Variants in DACH2 observed in about 807,000 individuals in gnomAD.
The protein encoded by DACH2 is dachshund family transcription factor 2.
Under a neutral mutation model 35.8 loss-of-function variants are expected in DACH2, and 17 were observed. The ratio of observed to expected loss-of-function variants is 0.48; its 90% CI spans 0.33 to 0.71. The LOEUF is 0.71. DACH2 is among the 30% of genes least tolerant of loss of function. DACH2 has a pLI of 0.02. For missense variants in DACH2, 469 were observed against 472.7 expected, an observed-to-expected ratio of 0.99 and a Z score of 0.07; for synonymous variants, 195 against 177.3, an observed-to-expected ratio of 1.10 and a Z score of -0.79.
chrX:86,277,609 A>T (rs2033942267), intron 1 of DACH2, among the ~76,000 whole-genome samples: 1 of 112,472 alleles, frequency 8.9e-6, no homozygotes, highest in Non-Finnish European at 1.9e-5. Flanking sequence ...AACTCGCAAC[A>T]TCAACAACGC....
chrX:86,706,368 A>G (rs2148453984), intron 5 of DACH2, among the ~76,000 whole-genome samples: 1 of 111,782 alleles, frequency 8.9e-6, no homozygotes, highest in African/African-American at 3.2e-5. Context: ...TTGAGAATTG[A>G]GAATACTCTG....
intron 4 of DACH2, among the ~76,000 whole-genome samples, chrX:86,693,918 G>A (rs931376175): frequency 9.0e-6 from 1 of 111,479 alleles, no homozygotes; most frequent in Non-Finnish European, 1.9e-5. Context: ...AACAAAGTGT[G>A]GGAGGGAACT....
chrX:86,580,087 G>GT (rs2039483299), intron 3 of DACH2, among the ~76,000 whole-genome samples: 1 of 111,726 alleles, frequency 9.0e-6, no homozygotes. Flanking sequence ...GCTCATGAGA[G>GT]TTTGAGCATG....
At chrX:86,802,447 G>A (rs2147338297) in intron 7 of DACH2, among the ~76,000 whole-genome samples, 1 of 106,053 alleles carries the variant, frequency 9.4e-6, no homozygotes, top group South Asian at 4.3e-4. Context: ...TTTAAATTTG[G>A]CACCTGAATT....
At chrX:86,204,375 T>C (rs2032232036) in intron 1 of DACH2, among the ~76,000 whole-genome samples, 1 of 112,281 alleles carries the variant, frequency 8.9e-6, no homozygotes, top group East Asian at 2.8e-4. Flanking sequence ...CTCAAAAGGC[T>C]AAGATATCAG....
chrX:86,600,448 T>G (rs1374510402), intron 3 of DACH2, among the ~76,000 whole-genome samples: 1 of 112,085 alleles, frequency 8.9e-6, no homozygotes, highest in Non-Finnish European at 1.9e-5. Flanking sequence ...CTGATAGTTT[T>G]TCTTTCTCAG....
chrX:86,389,540 T>C (rs2036169400), intron 2 of DACH2, among the ~76,000 whole-genome samples: 1 of 112,284 alleles, frequency 8.9e-6, no homozygotes, highest in South Asian at 3.6e-4. Flanking sequence ...TGCTTTAATC[T>C]GTAAACTGAA....
intron 1 of DACH2, among the ~76,000 whole-genome samples, chrX:86,316,723 G>C (rs760522583): frequency 3.2e-4 from 36 of 111,040 alleles, no homozygotes; most frequent in Non-Finnish European, 6.6e-4. Context: ...AGTGTCTCTG[G>C]TAGACGTAAA....
intron 1 of DACH2, among the ~76,000 whole-genome samples, chrX:86,331,448 T>A (rs2035211409): frequency 9.1e-6 from 1 of 110,331 alleles, no homozygotes; most frequent in Admixed American, 9.8e-5. Context: ...AATTAGAATG[T>A]AAATCCTGGA....
intron 3 of DACH2, among the ~76,000 whole-genome samples, chrX:86,517,179 A>G (rs2038481369): frequency 9.0e-6 from 1 of 111,664 alleles, no homozygotes; most frequent in African/African-American, 3.3e-5. Flanking sequence ...CCAACAATGT[A>G]TAAGTGTTCC....
At chrX:86,300,041 C>T (rs766450885) in intron 1 of DACH2, among the ~76,000 whole-genome samples, 20 of 111,207 alleles carry the variant, frequency 1.8e-4, no homozygotes, top group Non-Finnish European at 3.8e-4. Flanking sequence ...GTGTTGGGAA[C>T]ATTTCAAGTC....
chrX:86,484,242 AC>A, intron 2 of DACH2, among the ~76,000 whole-genome samples: 1 of 111,789 alleles, frequency 8.9e-6, no homozygotes, highest in Admixed American at 9.5e-5. Flanking sequence ...TCTCTGCTAA[AC>A]TGATTTAGCT....
At chrX:86,483,781 G>A (rs12558445) in intron 2 of DACH2, among the ~76,000 whole-genome samples, 48,142 of 109,554 alleles carry the variant, frequency 0.44, 8,271 homozygotes, top group Admixed American at 0.6. Flanking sequence ...TCAGTGAGCC[G>A]TAATCATGTC....
chrX:86,701,089 T>G (rs1385051858), intron 5 of DACH2, among the ~76,000 whole-genome samples: 3 of 111,058 alleles, frequency 2.7e-5, no homozygotes, highest in African/African-American at 9.8e-5. Flanking sequence ...ATATCCTTGA[T>G]GAACACAGTT....
intron 4 of DACH2, among the ~76,000 whole-genome samples, chrX:86,678,462 A>ATCAC (rs1163764297): frequency 8.9e-6 from 1 of 112,452 alleles, no homozygotes; most frequent in Non-Finnish European, 1.9e-5. Flanking sequence ...ATTTACAATT[A>ATCAC]CTACAGTTTT....
At chrX:86,366,330 A>G (rs2035806359) in intron 1 of DACH2, among the ~76,000 whole-genome samples, 1 of 111,218 alleles carries the variant, frequency 9.0e-6, no homozygotes, top group African/African-American at 3.3e-5. Flanking sequence ...ATTAGCAGTC[A>G]GTAGGTGTGG....
At chrX:86,414,663 C>G (rs951365368) in intron 2 of DACH2, among the ~76,000 whole-genome samples, 9 of 111,738 alleles carry the variant, frequency 8.1e-5, no homozygotes, top group African/African-American at 2.9e-4. Flanking sequence ...CCATCCCAAT[C>G]AACCTAAGCC....
intron 1 of DACH2, among the ~76,000 whole-genome samples, chrX:86,165,299 G>C (rs150669379): frequency 0.018 from 2,023 of 111,384 alleles, 53 homozygotes; most frequent in African/African-American, 0.063. Context: ...AGGGAGTGCA[G>C]GTATCTCTTC....
chrX:86,704,869 C>A (rs746984698), intron 5 of DACH2, among the ~76,000 whole-genome samples: 1 of 109,998 alleles, frequency 9.1e-6, no homozygotes, highest in Non-Finnish European at 1.9e-5. Flanking sequence ...AGTAGAACCA[C>A]CATTTGATCT....
Sources: gnomAD v4.1 joint callset for allele counts (sites outside exome capture counted in the v4.1 genomes callset) on GRCh38, gnomAD v4.1.1 for gene constraint, MANE v1.5 for transcripts, NCBI Gene and HGNC (gene_info 2026-07-23, HGNC 2026-07-21) for gene names.